The following KIRREL3 variants were observed in gnomAD, a reference collection of about 807,000 sequenced individuals.
The protein encoded by KIRREL3 is kin of IRRE-like protein 3.
Under a neutral mutation model 89.7 loss-of-function variants are expected in KIRREL3, and 36 were observed. The ratio of observed to expected loss-of-function variants is 0.40; its 90% CI spans 0.31 to 0.53. KIRREL3 has a LOEUF of 0.53. Among genes scored for constraint, KIRREL3 ranks in the 20% least tolerant of loss-of-function variants. KIRREL3 has a pLI of 0.49. For synonymous variants in KIRREL3, 445 were observed against 441.4 expected, an observed-to-expected ratio of 1.01 and a Z score of -0.10; for missense variants, 864 against 1,056.6, an observed-to-expected ratio of 0.82 and a Z score of 2.53.
intron 1 of KIRREL3, among the ~76,000 whole-genome samples, chr11:126,649,005 C>T (rs538625735): frequency 6.6e-6 from 1 of 152,218 alleles, no homozygotes; most frequent in South Asian, 2.1e-4. Flanking sequence ...GGGGAGGCCT[C>T]AGAATCATGG....
At chr11:126,928,369 G>A (rs142559305) in intron 1 of KIRREL3, among the ~76,000 whole-genome samples, 45 of 152,344 alleles carry the variant, frequency 3.0e-4, no homozygotes, top group African/African-American at 9.1e-4. Context: ...AGATGTCCTT[G>A]GGCCTTGAAA....
At chr11:126,998,911 A>T in intron 1 of KIRREL3, among the ~76,000 whole-genome samples, 1 of 137,998 alleles carries the variant, frequency 7.2e-6, no homozygotes, top group East Asian at 2.4e-4. Context: ...GCAAAGACGA[A>T]TGGGAGTGTG....
At chr11:126,678,454 G>A (rs1165656451) in intron 1 of KIRREL3, among the ~76,000 whole-genome samples, 1 of 151,908 alleles carries the variant, frequency 6.6e-6, no homozygotes, top group Non-Finnish European at 1.5e-5. Flanking sequence ...CAAAAAATTA[G>A]CCAGGCATGG....
chr11:126,848,416 C>A (rs1340228340), intron 1 of KIRREL3, among the ~76,000 whole-genome samples: 1 of 152,094 alleles, frequency 6.6e-6, no homozygotes, highest in East Asian at 1.9e-4. Context: ...AAATTCCAGT[C>A]TCATCAGTTG....
intron 1 of KIRREL3, among the ~76,000 whole-genome samples, chr11:126,590,121 C>A (rs116454193): frequency 0.015 from 2,257 of 152,320 alleles, 45 homozygotes; most frequent in African/African-American, 0.051. Flanking sequence ...GGCTGCATAC[C>A]TAACCATTAT....
chr11:126,500,877 G>A (rs190401955), intron 4 of KIRREL3, among the ~76,000 whole-genome samples: 3 of 152,222 alleles, frequency 2.0e-5, no homozygotes, highest in South Asian at 2.1e-4. Flanking sequence ...GAAATGCCAC[G>A]CTCTGACCAT....
rs1957307005 is a variant in KIRREL3 at position 126,484,783 on chromosome 11, TAAG to T, written c.434-11320_434-11318del. Among the ~76,000 whole-genome samples the T allele has an allele frequency of 6.6e-6, 1 of 151,970 alleles. No individual in the cohort carries two copies. The highest frequency in any genetic ancestry group is 1.5e-5 in the Non-Finnish European group (1 of 68,010). ...TCCCCGCCTCCACTTAGGTCTATATTAAGAAGATGTGGGGCAAGATGCAAATGG... is the reference window on the plus strand; with the variant it reads ...TCCCCGCCTCCACTTAGGTCTATATTAAGATGTGGGGCAAGATGCAAATGG... On this transcript the variant is annotated intron_variant, in intron 4 of 16. Transcript: ENST00000525144. The surrounding 1 kb of genome is among the most constrained non-coding windows in gnomAD (Gnocchi z 5.2).
intron 1 of KIRREL3, among the ~76,000 whole-genome samples, chr11:126,784,021 G>A (rs964534324): frequency 6.6e-6 from 1 of 152,086 alleles, no homozygotes; most frequent in African/African-American, 2.4e-5. Context: ...AATCCCCATC[G>A]AGGGACACTC....
At chr11:126,733,368 G>C (rs1271511064) in intron 1 of KIRREL3, among the ~76,000 whole-genome samples, 1 of 152,144 alleles carries the variant, frequency 6.6e-6, no homozygotes, top group Non-Finnish European at 1.5e-5. Flanking sequence ...GTAAGCTCAA[G>C]ACACCTGAGA....
chr11:126,451,921 T>A (rs938730423), intron 7 of KIRREL3, among the ~76,000 whole-genome samples: 3 of 152,156 alleles, frequency 2.0e-5, no homozygotes, highest in Admixed American at 1.3e-4. Flanking sequence ...TCCAGAAGCG[T>A]CACCCCACAG....
Position 126,429,474 on chromosome 11 carries a change from C to A in KIRREL3, c.1697-186G>T, listed in dbSNP as rs938259303. Among the ~76,000 whole-genome samples, 1 of 152,182 alleles carries A rather than the reference C, an allele frequency of 6.6e-6. No individual in the cohort carries two copies. The highest frequency in any genetic ancestry group is 1.5e-5 in the Non-Finnish European group (1 of 68,044). ...TATGGAGATGCTGTGGGTGTTTGGGCCTCAGAGGAGGCTGACCCCATGGCC... is the reference window on the plus strand; with the variant it reads ...TATGGAGATGCTGTGGGTGTTTGGGACTCAGAGGAGGCTGACCCCATGGCC... On this transcript the variant is annotated intron_variant, in intron 14 of 16. Coordinates refer to ENST00000525144, the MANE Select transcript of KIRREL3 (RefSeq NM_032531.4). This position sits in a 1 kb window ranked among gnomAD's most constrained non-coding sequence, Gnocchi z 5.2.
At chr11:126,869,678 G>A (rs192572952) in intron 1 of KIRREL3, among the ~76,000 whole-genome samples, 1 of 152,188 alleles carries the variant, frequency 6.6e-6, no homozygotes, top group Admixed American at 6.5e-5. Context: ...TCATCATAGT[G>A]TTCAACTTAC....
At position 126,795,854 on chromosome 11, in the gene KIRREL3, T is replaced by C. The variant is rs918782997; in HGVS notation, c.55+204601A>G. Among the ~76,000 whole-genome samples, 3 of 152,124 alleles carry C rather than the reference T, an allele frequency of 2.0e-5. No individual in the cohort carries two copies. The highest frequency in any genetic ancestry group is 4.4e-5 in the Non-Finnish European group (3 of 68,028). ...TACATCAGCTCTTTGGAGGGGCATG[T>C]AGATACCCCATGCCAGGCCAGCCTC... On this transcript the variant is annotated intron_variant, in intron 1 of 16. Coordinates refer to ENST00000525144, the MANE Select transcript of KIRREL3 (RefSeq NM_032531.4). The surrounding 1 kb of genome is among the most constrained non-coding windows in gnomAD (Gnocchi z 4.1).
rs1945155507 is a variant in KIRREL3 at position 126,656,708 on chromosome 11, A to T, written c.56-93796T>A. On this transcript the variant is annotated intron_variant, in intron 1 of 16. Coordinates refer to ENST00000525144, the MANE Select transcript of KIRREL3 (RefSeq NM_032531.4). This position sits in a 1 kb window ranked among gnomAD's most constrained non-coding sequence, Gnocchi z 4.0. ...TCCGTATCTTTAGCACAGTTTGGTG[A>T]TGACTTTTAAGCTTTGACATCATGT... Among the ~76,000 whole-genome samples, 1 of 152,206 alleles carries T rather than the reference A, an allele frequency of 6.6e-6. No homozygotes were observed. Among genetic ancestry groups the T allele is most frequent in the Admixed American group, 6.5e-5 (1 of 15,284 alleles).
Position 126,628,959 on chromosome 11 carries a change from A to G in KIRREL3, c.56-66047T>C, listed in dbSNP as rs1246810994. 1.3e-5 allele frequency among the ~76,000 whole-genome samples: 2 copies of G among 152,234 alleles called. No homozygotes were observed. Among genetic ancestry groups the G allele is most frequent in the Non-Finnish European group, 2.9e-5 (2 of 68,042 alleles). On this transcript the variant is annotated intron_variant, in intron 1 of 16. Coordinates refer to ENST00000525144, the MANE Select transcript of KIRREL3 (RefSeq NM_032531.4). This position sits in a 1 kb window ranked among gnomAD's most constrained non-coding sequence, Gnocchi z 5.2. ...AATTTGTAAATCTTTGATAATGAGC[A>G]TTTAAAGGGCACGTCCTAATGAAGG...
Position 126,684,100 on chromosome 11 carries a change from T to C in KIRREL3, c.56-121188A>G, listed in dbSNP as rs1221810616. Among the ~76,000 whole-genome samples the C allele has an allele frequency of 6.6e-6, 1 of 152,144 alleles. No individual in the cohort carries two copies. On this transcript the variant is annotated intron_variant, in intron 1 of 16. Transcript: ENST00000525144. This position sits in a 1 kb window ranked among gnomAD's most constrained non-coding sequence, Gnocchi z 4.2. ...CTGCCACCTGCTCAGTGGGATGGCA[T>C]CTTGGGGGAGCACCTTGGGCAGGGC...
intron 1 of KIRREL3, among the ~76,000 whole-genome samples, chr11:126,644,621 T>G (rs935101306): frequency 6.6e-6 from 1 of 151,666 alleles, no homozygotes; most frequent in Non-Finnish European, 1.5e-5. Flanking sequence ...GAAGATGGAG[T>G]CATGTCCAGA....
intron 1 of KIRREL3, among the ~76,000 whole-genome samples, chr11:126,865,018 C>T (rs751753707): frequency 1.4e-4 from 22 of 152,138 alleles, no homozygotes; most frequent in South Asian, 4.1e-4. Flanking sequence ...TGTGCATGAA[C>T]CCACCCATAC....
rs1166102949 is a variant in KIRREL3, at chr11:126,795,524, C to T, written c.55+204931G>A. ...AGCTAGGACTACAGGCGTGTGCCAC[C>T]ACACCTGGCTAATTTTTTTAAAATA... On this transcript the variant is annotated intron_variant, in intron 1 of 16. Transcript: ENST00000525144. The surrounding 1 kb of genome is among the most constrained non-coding windows in gnomAD (Gnocchi z 4.1). Among the ~76,000 whole-genome samples, 6 of 152,004 alleles carry T rather than the reference C, an allele frequency of 3.9e-5. No homozygotes were observed. The highest frequency in any genetic ancestry group is 8.8e-5 in the Non-Finnish European group (6 of 68,014).
Sources: allele counts gnomAD v4.1 joint callset (sites outside exome capture counted in the v4.1 genomes callset), GRCh38; gene constraint gnomAD v4.1.1; non-coding constraint Gnocchi (gnomAD v3.1); transcripts MANE v1.5; gene names NCBI Gene and HGNC (gene_info 2026-07-23, HGNC 2026-07-21).